SV2C: variants seen among roughly 807,000 people sequenced by gnomAD.
SV2C encodes synaptic vesicle glycoprotein 2C.
SV2C carries 49 observed loss-of-function variants against 79.7 expected under a neutral mutation model. The observed-to-expected ratio is 0.61, with a 90% confidence interval of 0.49 to 0.78. The LOEUF (loss-of-function observed/expected upper bound fraction) is 0.78, where lower values mean the gene tolerates loss of function less well. Ranked by LOEUF, SV2C falls within the 30% of genes least tolerant of loss-of-function variation. SV2C has a pLI of 0.00. For missense variants in SV2C, 833 were observed against 912.9 expected, an observed-to-expected ratio of 0.91 and a Z score of 1.13; for synonymous variants, 334 against 333.2, an observed-to-expected ratio of 1.00 and a Z score of -0.03.
At chr5:76,055,071 C>T in the SV2C span, among the ~76,000 whole-genome samples, 1 of 152,142 alleles carries the variant, frequency 6.6e-6, no homozygotes, top group Non-Finnish European at 1.5e-5. Context: ...GAAGTCTTTG[C>T]CCATGCCTAT....
chr5:76,341,469 T>A (rs1580089444), intron 12 of SV2C, among the ~76,000 whole-genome samples: 1 of 152,160 alleles, frequency 6.6e-6, no homozygotes, highest in Non-Finnish European at 1.5e-5. Context: ...CAAATGGAGG[T>A]GCCGGGGCTT....
At chr5:75,932,356 C>T in the SV2C span, among the ~76,000 whole-genome samples, 1 of 152,146 alleles carries the variant, frequency 6.6e-6, no homozygotes, top group Non-Finnish European at 1.5e-5. Context: ...CTTGCTCTGC[C>T]CCATCTTTCT....
At chr5:76,127,439 C>G (rs1748744405) in intron 1 of SV2C, among the ~76,000 whole-genome samples, 1 of 152,154 alleles carries the variant, frequency 6.6e-6, no homozygotes, top group Non-Finnish European at 1.5e-5. Context: ...ATGTCATTGA[C>G]TATATCAGAT....
At chr5:76,334,152 C>T (rs897795887), downstream of SV2C, among the ~76,000 whole-genome samples, 2 of 152,132 alleles carry the variant, frequency 1.3e-5, no homozygotes, top group Non-Finnish European at 2.9e-5. Context: ...TAGCCAGGAC[C>T]AGTGGGAAGA....
chr5:75,893,763 A>G, the SV2C span, among the ~76,000 whole-genome samples: 1 of 152,098 alleles, frequency 6.6e-6, no homozygotes, highest in African/African-American at 2.4e-5. Flanking sequence ...GAAATTATAG[A>G]AAAAAACCAT....
intron 4 of SV2C, among the ~76,000 whole-genome samples, chr5:76,258,805 C>T (rs538066125): frequency 2.8e-4 from 43 of 152,292 alleles, no homozygotes; most frequent in African/African-American, 9.1e-4. Flanking sequence ...TCCCATCACC[C>T]GTATTTCAGT....
At chr5:76,281,514 G>T (rs1026718140) in intron 4 of SV2C, among the ~76,000 whole-genome samples, 23 of 152,124 alleles carry the variant, frequency 1.5e-4, no homozygotes, top group African/African-American at 5.6e-4. Flanking sequence ...GAAGTGTATT[G>T]GTTTCTGTTG....
intron 2 of SV2C, among the ~76,000 whole-genome samples, chr5:76,150,661 C>T (rs1749577657): frequency 2.0e-5 from 2 of 100,926 alleles, no homozygotes; most frequent in Admixed American, 3.1e-4. Flanking sequence ...TTTTTGAGAC[C>T]AGGTGTCACT....
At chr5:76,030,917 A>G in the SV2C span, among the ~76,000 whole-genome samples, 1 of 152,242 alleles carries the variant, frequency 6.6e-6, no homozygotes, top group African/African-American at 2.4e-5. Context: ...AATAAGTATG[A>G]TAATATAAAT....
chr5:76,178,521 C>CT (rs971880940), intron 2 of SV2C, among the ~76,000 whole-genome samples: 1 of 152,048 alleles, frequency 6.6e-6, no homozygotes. Context: ...GGAAGCCCAC[C>CT]TTTATTTTAC....
chr5:75,945,338 A>G, the SV2C span, among the ~76,000 whole-genome samples: 3 of 151,722 alleles, frequency 2.0e-5, no homozygotes, highest in Non-Finnish European at 4.4e-5. Context: ...TTTTTTTGAC[A>G]CAGAGTCTCA....
At chr5:75,967,460 G>A in the SV2C span, among the ~76,000 whole-genome samples, 1 of 152,156 alleles carries the variant, frequency 6.6e-6, no homozygotes, top group Non-Finnish European at 1.5e-5. Context: ...GGAAAATCGG[G>A]TCACTCTCAC....
intron 1 of SV2C, among the ~76,000 whole-genome samples, chr5:76,084,709 G>C (rs1188312023): frequency 6.6e-6 from 1 of 151,382 alleles, no homozygotes; most frequent in African/African-American, 2.4e-5. Flanking sequence ...GGTGGCGGGC[G>C]GGGGCAGGCG....
the SV2C span, among the ~76,000 whole-genome samples, chr5:75,914,349 G>T: frequency 0.033 from 5,018 of 152,140 alleles, 199 homozygotes; most frequent in African/African-American, 0.099. Flanking sequence ...TATTTTGTCA[G>T]TTTGAGTAAT....
the SV2C span, among the ~76,000 whole-genome samples, chr5:75,927,147 A>G: frequency 2.6e-5 from 4 of 152,158 alleles, no homozygotes; most frequent in African/African-American, 9.7e-5. Context: ...TATGGATCCT[A>G]TAGATTGAGA....
At chr5:75,985,315 A>G in the SV2C span, among the ~76,000 whole-genome samples, 1 of 151,862 alleles carries the variant, frequency 6.6e-6, no homozygotes, top group African/African-American at 2.4e-5. Context: ...TGATCCAAAC[A>G]CCACCTACTA....
chr5:75,879,797 C>A, the SV2C span, among the ~76,000 whole-genome samples: 2 of 152,240 alleles, frequency 1.3e-5, no homozygotes, highest in Non-Finnish European at 2.9e-5. Context: ...CCACATTTCT[C>A]CTCCACATTG....
At chr5:76,018,639 T>C in the SV2C span, among the ~76,000 whole-genome samples, 1 of 152,216 alleles carries the variant, frequency 6.6e-6, no homozygotes, top group African/African-American at 2.4e-5. Flanking sequence ...TTTTCAATAA[T>C]GTATCAATGG....
At chr5:75,898,463 A>C in the SV2C span, among the ~76,000 whole-genome samples, 1 of 152,134 alleles carries the variant, frequency 6.6e-6, no homozygotes, top group Non-Finnish European at 1.5e-5. Context: ...TGCTGGATTC[A>C]GTTTGCCAGT....
Sources: allele counts gnomAD v4.1 joint callset (sites outside exome capture counted in the v4.1 genomes callset), GRCh38; gene constraint gnomAD v4.1.1; transcripts MANE v1.5; gene names NCBI Gene and HGNC (gene_info 2026-07-23, HGNC 2026-07-21).